DNAH17: variants seen among roughly 807,000 people sequenced by gnomAD.
The protein encoded by DNAH17 is axonemal beta dynein heavy chain 17.
A neutral mutation model predicts 485.6 loss-of-function variants in DNAH17; 376 were observed. The observed-to-expected ratio is 0.77, with a 90% CI of 0.71 to 0.84. The LOEUF is 0.84. Among genes scored for constraint, DNAH17 ranks in the 40% least tolerant of loss-of-function variants. The pLI, the probability that DNAH17 is intolerant of heterozygous loss-of-function variation, is 0.00. For missense variants in DNAH17, 6,370 were observed against 5,839.3 expected (o/e 1.09, Z -2.96); for synonymous variants, 3,031 against 2,405.9 (o/e 1.26, Z -7.60).
intron 48 of DNAH17, among the ~76,000 whole-genome samples, chr17:78,483,162 C>G (rs1034305801): frequency 6.6e-6 from 1 of 152,210 alleles, no homozygotes; most frequent in Non-Finnish European, 1.5e-5. Context: ...AAACTCTCTC[C>G]AGGCTCCCTC....
At chr17:78,500,221 T>C (rs751906950) in intron 36 of DNAH17, 84 bp downstream of exon 36, 3 of 1,427,390 alleles carry the variant, frequency 2.1e-6, no homozygotes, top group Non-Finnish European at 2.8e-6. Context: ...TGGAGTTTAC[T>C]GTGGGGCCTC....
At chr17:78,506,556 T>C (rs1456377306) in intron 30 of DNAH17, among the ~76,000 whole-genome samples, 164 bp downstream of exon 30, 1 of 152,158 alleles carries the variant, frequency 6.6e-6, no homozygotes, top group East Asian at 1.9e-4. Context: ...GTTTCTGCCA[T>C]GGCTGGGGAC....
chr17:78,572,135 T>C lies in DNAH17; in HGVS notation c.540-353A>G, dbSNP rs901381321. On this transcript the variant is annotated intron_variant, in intron 3 of 80. Coordinates refer to ENST00000389840, the MANE Select transcript of DNAH17 (RefSeq NM_173628.4). Reference sequence around the variant, plus strand: ...TGCTTGGGGCTTTGTGAATGATCAGTGGAGGACTTGCCCACGTGAGGCAAA... The same window carrying C: ...TGCTTGGGGCTTTGTGAATGATCAGCGGAGGACTTGCCCACGTGAGGCAAA... 3.3e-5 allele frequency among the ~76,000 whole-genome samples: 5 copies of C among 152,204 alleles called. No homozygotes were observed. The South Asian group carries it at 1.0e-3, about 32-fold the overall frequency.
intron 24 of DNAH17, among the ~76,000 whole-genome samples, chr17:78,526,317 G>C (rs2091070407): frequency 6.6e-6 from 1 of 152,204 alleles, no homozygotes; most frequent in Non-Finnish European, 1.5e-5. Flanking sequence ...TGTGAACAGA[G>C]TGGAGATTAG....
chr17:78,479,156 T>C (rs561634941), intron 50 of DNAH17, 40 bp from the exon 51 acceptor site: 1 of 1,596,146 alleles, frequency 6.3e-7, no homozygotes, highest in East Asian at 2.2e-5. Flanking sequence ...CATGTACTCT[T>C]GATGGCCCCA....
In DNAH17 at chr17:78,569,412, T is replaced by C. The variant is rs1353776614; in HGVS notation, c.1160A>G (p.Tyr387Cys). The stretch of plus-strand genomic sequence containing the variant: ...CTTCATGTTCACGCAGCAGAAGTCG[T>C]ACGTCTGGTAGAGCTCCTTCAGCAC... ...VNVLKELYQT[Y>C]DFCCVNMKLF... Residue 387 changes from tyrosine (Y) to cysteine (C), a missense_variant, in exon 8 of 81, where the codon TAC (tyrosine) becomes TGC (cysteine). Tyr to Cys is a radical substitution (Grantham distance 194). Coordinates refer to ENST00000389840, the MANE Select transcript of DNAH17 (RefSeq NM_173628.4). The C allele has an allele frequency of 3.7e-6, 6 of 1,612,850 alleles. No individual in the cohort carries two copies. Among genetic ancestry groups the C allele is most frequent in the Non-Finnish European group, 4.2e-6 (5 of 1,179,426 alleles).
In DNAH17 at chr17:78,544,005, G is replaced by T. The variant is rs369369094; in HGVS notation, c.2392-8C>A. On this transcript the variant is annotated splice_region_variant and splice_polypyrimidine_tract_variant and intron_variant, in intron 16 of 80. Transcript: ENST00000389840. ...CGGGTTGGCCGACCAGTCCTGGAAG[G>T]AAAGCACAGGAGTGAGAAAAGGTGT... The T allele has an allele frequency of 1.2e-6, 2 of 1,613,954 alleles. No individual in the cohort carries two copies. Among genetic ancestry groups the T allele is most frequent in the South Asian group, 1.1e-5 (1 of 91,084 alleles).
chr17:78,526,555 G>A (rs1431229894), intron 24 of DNAH17, 96 bp downstream of exon 24: 2 of 1,091,112 alleles, frequency 1.8e-6, no homozygotes, highest in Non-Finnish European at 2.6e-6. Context: ...GTCCGGCGGA[G>A]ACCACGTTTC....
intron 44 of DNAH17, 129 bp downstream of exon 44, chr17:78,490,570 G>A (rs2089804404): frequency 7.6e-7 from 1 of 1,321,458 alleles, no homozygotes; most frequent in Non-Finnish European, 1.0e-6. Flanking sequence ...CTGTGACACT[G>A]GTGCCTGGTG....
chr17:78,500,279 C>T (rs34124297), intron 36 of DNAH17, 26 bp downstream of exon 36: 1 of 1,590,272 alleles, frequency 6.3e-7, no homozygotes, highest in Middle Eastern at 1.7e-4. Flanking sequence ...GACTCTGGGT[C>T]CCTCCTCCGG....
intron 25 of DNAH17, among the ~76,000 whole-genome samples, chr17:78,524,680 T>C (rs1457671723): frequency 2.6e-5 from 4 of 151,972 alleles, no homozygotes; most frequent in Admixed American, 2.6e-4. Context: ...GACTAAGTGG[T>C]ATTCCTTACT....
intron 44 of DNAH17, 35 bp from the exon 45 acceptor site, chr17:78,486,541 C>T (rs1252651710): frequency 5.1e-6 from 8 of 1,571,462 alleles, no homozygotes; most frequent in Non-Finnish European, 6.9e-6. Flanking sequence ...GACACAGCCG[C>T]TGCTCTGGGT....
At chr17:78,543,217 C>G (rs979878687) in intron 17 of DNAH17, among the ~76,000 whole-genome samples, 2 of 152,120 alleles carry the variant, frequency 1.3e-5, no homozygotes, top group East Asian at 1.9e-4. Context: ...CAGGGTCAAG[C>G]GATTCTCCTG....
intron 56 of DNAH17, among the ~76,000 whole-genome samples, chr17:78,465,759 G>A (rs1469291822): frequency 1.4e-5 from 2 of 142,098 alleles, no homozygotes; most frequent in Admixed American, 6.8e-5. Context: ...GGAGGGAGGT[G>A]GGGGCGGTCA....
In DNAH17 at chr17:78,478,023, CCACCACCAT is replaced by C. The variant is rs1207519332; in HGVS notation, c.7992+993_7992+1001del. On this transcript the variant is annotated intron_variant, in intron 51 of 80. Transcript: ENST00000389840. ...ACCATCATCACCATCATCACCATCACCACCACCATCACACCACCATCATTACCATTATCA... is the reference window on the plus strand; with the variant it reads ...ACCATCATCACCATCATCACCATCACCACACCACCATCATTACCATTATCA... Among the ~76,000 whole-genome samples the C allele has an allele frequency of 9.1e-3, 852 of 93,412 alleles. 14 individuals carry two copies. Among genetic ancestry groups the C allele is most frequent in the African/African-American group, 0.046 (799 of 17,206 alleles). The allele number at this position is 93,412 out of a possible 152,430, so 61.3% of individuals were successfully genotyped here.
intron 3 of DNAH17, 27 bp from the exon 4 acceptor site, chr17:78,571,809 C>T: frequency 6.5e-7 from 1 of 1,547,516 alleles, no homozygotes; most frequent in Non-Finnish European, 8.7e-7. Flanking sequence ...TGGGGCATTG[C>T]TCTCATGGCG....
Position 78,551,620 on chromosome 17 carries a change from T to C in DNAH17, c.2306A>G (p.Gln769Arg). Residue 769 changes from glutamine (Q) to arginine (R), a missense_variant, in exon 16 of 81, where the codon CAA becomes CGA. By Grantham distance (43) the Gln-to-Arg change is conservative. Transcript: ENST00000389840. ...WNGEGVFQYI[Q>R]EVREILHNLQ... Reference sequence around the variant, plus strand: ...GTTGTGCAGAATTTCTCGCACCTCTTGAATGTACTGAAACACACCTAAAAT... The same window carrying C: ...GTTGTGCAGAATTTCTCGCACCTCTCGAATGTACTGAAACACACCTAAAAT... 6 of 1,613,996 alleles carry C rather than the reference T, an allele frequency of 3.7e-6. No individual in the cohort carries two copies. Among genetic ancestry groups the C allele is most frequent in the Non-Finnish European group, 5.1e-6 (6 of 1,179,882 alleles).
At position 78,463,090 on chromosome 17, in the gene DNAH17, G is replaced by A. The variant is rs762068405; in HGVS notation, c.8941-13C>T. On this transcript the variant is annotated splice_polypyrimidine_tract_variant and intron_variant, in intron 56 of 80. Coordinates refer to ENST00000389840, the MANE Select transcript of DNAH17 (RefSeq NM_173628.4). Reference sequence around the variant, plus strand: ...CCTTGACTTCCCACTACAAAGATGAGACAGCCAGTCATCCCTGGGACCCCA... The same window carrying A: ...CCTTGACTTCCCACTACAAAGATGAAACAGCCAGTCATCCCTGGGACCCCA... 1.2e-5 allele frequency: 19 copies of A among 1,611,552 alleles called. No individual in the cohort carries two copies. The African/African-American group carries it at 2.0e-4, about 17-fold the overall frequency.
chr17:78,557,636 CAAAAAAAAAAAAAAA>C (rs34251460), intron 14 of DNAH17, among the ~76,000 whole-genome samples: 11 of 29,016 alleles, frequency 3.8e-4, no homozygotes, highest in Non-Finnish European at 7.0e-4. Context: ...GAGACTGTCT[CAAAAAAAAAAAAAAA>C]AAAAAAAAAA....
Sources: allele counts gnomAD v4.1 joint callset (sites outside exome capture counted in the v4.1 genomes callset), GRCh38; gene constraint gnomAD v4.1.1; transcripts MANE v1.5; gene names NCBI Gene and HGNC (gene_info 2026-07-23, HGNC 2026-07-21).